CNTNAP2: variants seen among roughly 807,000 people sequenced by gnomAD.
The protein encoded by CNTNAP2 is contactin-associated protein-like 2.
CNTNAP2 carries 98 observed loss-of-function variants against 155.2 expected under a neutral mutation model. The ratio of observed to expected loss-of-function variants is 0.63; its 90% CI spans 0.54 to 0.75. The LOEUF is 0.75. Among genes scored for constraint, CNTNAP2 ranks in the 30% least tolerant of loss-of-function variants. CNTNAP2 has a pLI of 0.00. For synonymous variants in CNTNAP2, 651 were observed against 631.2 expected (o/e 1.03, Z -0.47); for missense variants, 1,727 against 1,688.1 (o/e 1.02, Z -0.40).
At chr7:147,901,654 G>C (rs1250239385) in intron 13 of CNTNAP2, among the ~76,000 whole-genome samples, 2 of 152,158 alleles carry the variant, frequency 1.3e-5, no homozygotes, top group Admixed American at 1.3e-4. Context: ...TCTGTGTAAT[G>C]CATACTTGAC....
chr7:146,433,340 G>A (rs773845306), intron 1 of CNTNAP2, among the ~76,000 whole-genome samples: 9 of 152,098 alleles, frequency 5.9e-5, no homozygotes, highest in African/African-American at 1.9e-4. Flanking sequence ...TTCAGAACGC[G>A]ATTTCAGTGA....
intron 1 of CNTNAP2, among the ~76,000 whole-genome samples, chr7:146,237,607 G>A (rs1195592700): frequency 6.6e-6 from 1 of 151,686 alleles, no homozygotes; most frequent in African/African-American, 2.4e-5. Flanking sequence ...GCATGCACTG[G>A]GGACAATCAG....
chr7:148,092,976 T>G (rs1474694593), intron 15 of CNTNAP2, among the ~76,000 whole-genome samples: 1 of 151,914 alleles, frequency 6.6e-6, no homozygotes, highest in Non-Finnish European at 1.5e-5. Context: ...CCCCCACATC[T>G]TCTTCTTCAG....
chr7:146,724,599 T>C (rs1200363097), intron 1 of CNTNAP2, among the ~76,000 whole-genome samples: 9 of 128,974 alleles, frequency 7.0e-5, no homozygotes, highest in African/African-American at 2.7e-4. Flanking sequence ...TGAGACAGAG[T>C]CTCGCTCTGT....
intron 20 of CNTNAP2, among the ~76,000 whole-genome samples, chr7:148,238,607 G>A (rs6464862): frequency 0.77 from 117,813 of 152,168 alleles, 46,041 homozygotes; most frequent in East Asian, 0.95. Flanking sequence ...ACTTTATAGC[G>A]TTTCGTAGGG....
At chr7:147,038,711 T>C (rs1290087627) in intron 3 of CNTNAP2, among the ~76,000 whole-genome samples, 2 of 152,232 alleles carry the variant, frequency 1.3e-5, no homozygotes, top group African/African-American at 4.8e-5. Flanking sequence ...GAACAACCTC[T>C]GAAGCACTTG....
At chr7:148,095,894 C>T (rs1803955306) in intron 15 of CNTNAP2, among the ~76,000 whole-genome samples, 1 of 152,150 alleles carries the variant, frequency 6.6e-6, no homozygotes, top group Non-Finnish European at 1.5e-5. Flanking sequence ...CTTTATTGCT[C>T]TCTTTAAGCA....
At chr7:147,103,020 G>C (rs1584844652) in intron 4 of CNTNAP2, among the ~76,000 whole-genome samples, 1 of 152,214 alleles carries the variant, frequency 6.6e-6, no homozygotes, top group South Asian at 2.1e-4. Flanking sequence ...ATGGGTCAGC[G>C]AGATTCTTGA....
intron 13 of CNTNAP2, among the ~76,000 whole-genome samples, chr7:147,870,665 A>T (rs960578717): frequency 7.2e-5 from 11 of 152,222 alleles, no homozygotes; most frequent in African/African-American, 2.7e-4. Flanking sequence ...GCCGCAATTC[A>T]TAAATTCTTT....
chr7:146,215,569 T>C (rs1283869333), intron 1 of CNTNAP2, among the ~76,000 whole-genome samples: 2 of 151,584 alleles, frequency 1.3e-5, no homozygotes, highest in Non-Finnish European at 2.9e-5. Context: ...AGGGTTCGCC[T>C]TATGAAAAAC....
At chr7:147,686,946 A>G (rs916779537) in intron 13 of CNTNAP2, among the ~76,000 whole-genome samples, 4 of 152,092 alleles carry the variant, frequency 2.6e-5, no homozygotes, top group African/African-American at 7.2e-5. Context: ...GACCCATTCA[A>G]TAGCTCAGAA....
chr7:148,262,365 G>T (rs1437200984), intron 20 of CNTNAP2, among the ~76,000 whole-genome samples: 1 of 152,150 alleles, frequency 6.6e-6, no homozygotes, highest in Non-Finnish European at 1.5e-5. Flanking sequence ...TCCCAGTGTT[G>T]CTGTAACAAA....
intron 15 of CNTNAP2, among the ~76,000 whole-genome samples, chr7:148,036,873 A>G (rs1159753163): frequency 6.6e-6 from 1 of 152,192 alleles, no homozygotes. Flanking sequence ...TATAGAACAC[A>G]TAAAGCCAAC....
intron 14 of CNTNAP2, among the ~76,000 whole-genome samples, chr7:147,977,070 C>T (rs553903141): frequency 1.3e-5 from 2 of 152,206 alleles, no homozygotes; most frequent in African/African-American, 4.8e-5. Flanking sequence ...CTGTGCTGCA[C>T]GGGCTCCAAA....
intron 10 of CNTNAP2, among the ~76,000 whole-genome samples, chr7:147,428,292 A>T (rs73475120): frequency 0.021 from 3,146 of 152,242 alleles, 118 homozygotes; most frequent in African/African-American, 0.072. Flanking sequence ...TATTTGCTAA[A>T]TGACTTTGCC....
chr7:147,590,943 A>G (rs189967740), intron 12 of CNTNAP2, among the ~76,000 whole-genome samples: 1 of 152,154 alleles, frequency 6.6e-6, no homozygotes, highest in African/African-American at 2.4e-5. Context: ...CTGAGCTTTT[A>G]TGGTTCTAAT....
chr7:147,437,466 T>A (rs1237385666), intron 10 of CNTNAP2, among the ~76,000 whole-genome samples: 1 of 152,174 alleles, frequency 6.6e-6, no homozygotes, highest in Non-Finnish European at 1.5e-5. Flanking sequence ...GAATGTCTTT[T>A]TTCCAGTGTA....
At chr7:148,328,976 G>GAAAAAAAA (rs71188969) in intron 21 of CNTNAP2, among the ~76,000 whole-genome samples, 920 of 69,166 alleles carry the variant, frequency 0.013, 45 homozygotes, top group African/African-American at 0.047. Context: ...ACTCTGTCTG[G>GAAAAAAAA]AAAAAAAAAA....
At chr7:146,723,237 G>T (rs344466) in intron 1 of CNTNAP2, among the ~76,000 whole-genome samples, 46,812 of 151,904 alleles carry the variant, frequency 0.31, 13,513 homozygotes, top group African/African-American at 0.77. Flanking sequence ...AGGCAGAGGT[G>T]GGAGTGCTGC....
Sources: gnomAD v4.1 joint callset for allele counts (sites outside exome capture counted in the v4.1 genomes callset) on GRCh38, gnomAD v4.1.1 for gene constraint, MANE v1.5 for transcripts, NCBI Gene and HGNC (gene_info 2026-07-23, HGNC 2026-07-21) for gene names.